POU5F1: variants seen among roughly 807,000 people sequenced by gnomAD.
POU5F1 encodes POU domain, class 5, transcription factor 1.
In POU5F1, 6 loss-of-function variants were observed where a neutral mutation model predicts 38.3. The ratio of observed to expected loss-of-function variants is 0.16; its 90% CI spans 0.09 to 0.31. The LOEUF (loss-of-function observed/expected upper bound fraction) is 0.31. Among genes scored for constraint, POU5F1 ranks in the 10% least tolerant of loss-of-function variants. The pLI is 1.00. For missense variants in POU5F1, 286 were observed against 462.6 expected, an observed-to-expected ratio of 0.62 and a Z score of 3.50; for synonymous variants, 147 against 194.9, an observed-to-expected ratio of 0.75 and a Z score of 2.05.
At chr6:31,167,959 C>CG (rs572368504) in intron 1 of POU5F1, among the ~76,000 whole-genome samples, 6 of 150,756 alleles carry the variant, frequency 4.0e-5, no homozygotes, top group African/African-American at 7.3e-5. Flanking sequence ...TTTCTCCCCA[C>CG]CAAGACGGAA....
rs771043396 is a variant in POU5F1 at position 31,170,278 on chromosome 6, A to G, written c.343T>C (p.Cys115Arg). 1.2e-6 allele frequency: 2 copies of G among 1,612,876 alleles called. No homozygotes were observed. Among genetic ancestry groups the G allele is most frequent in the East Asian group, 2.2e-5 (1 of 44,882 alleles). Residue 115 changes from cysteine (C) to arginine (R), a missense_variant, in exon 1 of 5, where the codon TGC becomes CGC. Cys to Arg is a radical substitution (Grantham distance 180, BLOSUM62 -3). Transcript: ENST00000259915. ...TTCACGGCACCAGGGGTGACGGTGC[A>G]GGGCTCCGGGGAGGCCCCATCGGAG... ...SNSDGASPEP[C>R]TVTPGAVKLE...
chr6:31,170,131 G>A lies in POU5F1; in HGVS notation c.405+85C>T. The A allele has an allele frequency of 1.9e-6, 3 of 1,605,804 alleles. No homozygotes were observed. The Admixed American group carries it at 5.0e-5, about 27-fold the overall frequency. ...TGCTCCTCTCCTGGGTGCCAGGTCTGGGCAGCTGCAGGTGACCACTTCCCC... is the reference window on the plus strand; with the variant it reads ...TGCTCCTCTCCTGGGTGCCAGGTCTAGGCAGCTGCAGGTGACCACTTCCCC... On this transcript the variant is annotated intron_variant, in intron 1 of 4. Coordinates refer to ENST00000259915, the MANE Select transcript of POU5F1 (RefSeq NM_002701.6).
intron 1 of POU5F1, 141 bp from the exon 2 acceptor site, chr6:31,166,188 C>T (rs763461206): frequency 1.3e-6 from 2 of 1,585,048 alleles, no homozygotes; most frequent in South Asian, 2.3e-5. Flanking sequence ...AGCTGCCCAC[C>T]TAACTTCTAG....
intron 1 of POU5F1, chr6:31,166,884 C>T (rs995080389): frequency 3.0e-6 from 4 of 1,313,304 alleles, no homozygotes; most frequent in Non-Finnish European, 3.9e-6. Flanking sequence ...TGCATACACA[C>T]AAACACAGCA....
chr6:31,169,969 G>A (rs1265314258), intron 1 of POU5F1: 4 of 623,548 alleles, frequency 6.4e-6, no homozygotes, highest in South Asian at 4.0e-5. Context: ...GCCAGCTTCC[G>A]ACTCTCCCAG....
Position 31,165,347 on chromosome 6 carries a change from CA to C in POU5F1, c.658-62del. The C allele has an allele frequency of 6.3e-7, 1 of 1,584,904 alleles. No individual in the cohort carries two copies. Among genetic ancestry groups the C allele is most frequent in the Non-Finnish European group, 8.6e-7 (1 of 1,163,938 alleles). Reference sequence around the variant, plus strand: ...TTGGACTTGCTGAGTAACAGCATCACAGGGGTCTGTGACTAGATGTGTCAGC... The same window carrying C: ...TTGGACTTGCTGAGTAACAGCATCACGGGGTCTGTGACTAGATGTGTCAGC... On this transcript the variant is annotated intron_variant, in intron 3 of 4. Transcript: ENST00000259915. The surrounding 1 kb of genome is among the most constrained non-coding windows in gnomAD (Gnocchi z 6.5).
intron 1 of POU5F1, among the ~76,000 whole-genome samples, chr6:31,168,571 T>C (rs1471181236): frequency 6.6e-6 from 1 of 152,126 alleles, no homozygotes; most frequent in Non-Finnish European, 1.5e-5. Flanking sequence ...GGAAGCAGTA[T>C]AATTTGAGAA....
At chr6:31,169,933 C>T (rs1233421266) in intron 1 of POU5F1, 2 of 451,970 alleles carry the variant, frequency 4.4e-6, no homozygotes, top group Non-Finnish European at 7.9e-6. Context: ...CTGACAAGGG[C>T]TGGGCCAGAG....
chr6:31,167,960 C>G (rs998719943), intron 1 of POU5F1, among the ~76,000 whole-genome samples: 1 of 150,884 alleles, frequency 6.6e-6, no homozygotes, highest in African/African-American at 2.4e-5. Context: ...TTCTCCCCAC[C>G]AAGACGGAAT....
intron 1 of POU5F1, 116 bp from the exon 2 acceptor site, chr6:31,166,163 T>G (rs2151104931): frequency 6.2e-7 from 1 of 1,608,904 alleles, no homozygotes; most frequent in Non-Finnish European, 8.5e-7. Context: ...TCTGTAGAAG[T>G]GCCTCTGCCT....
chr6:31,169,913 G>A (rs1450813971), intron 1 of POU5F1: 2 of 534,086 alleles, frequency 3.7e-6, no homozygotes, highest in East Asian at 6.3e-5. Context: ...CCTAGGAGAT[G>A]TGAGAGACCC....
intron 1 of POU5F1, chr6:31,166,956 A>C: frequency 9.7e-7 from 1 of 1,030,146 alleles, no homozygotes. Flanking sequence ...TCATTTTTTA[A>C]ATTGATTATC....
At position 31,164,350 on chromosome 6, in the gene POU5F1, C is replaced by G; in HGVS notation, c.*251G>C. On this transcript the variant is annotated 3_prime_UTR_variant, in exon 5 of 5. Coordinates refer to ENST00000259915, the MANE Select transcript of POU5F1 (RefSeq NM_002701.6). ...GACAAACCAAGATAAGTGTGTCTAT[C>G]TACTGTGTCCCAGGCTTCTTTATTT... The G allele has an allele frequency of 8.5e-7, 1 of 1,169,902 alleles. No individual in the cohort carries two copies. Among genetic ancestry groups the G allele is most frequent in the Non-Finnish European group, 1.2e-6 (1 of 850,882 alleles). The allele number at this position is 1,169,902 out of a possible 1,614,324, so 72.5% of individuals were successfully genotyped here.
intron 1 of POU5F1, among the ~76,000 whole-genome samples, chr6:31,168,132 G>T (rs1046020359): frequency 7.2e-5 from 11 of 152,024 alleles, no homozygotes; most frequent in African/African-American, 2.2e-4. Context: ...TAGATATGGG[G>T]TTTCACCATG....
chr6:31,168,418 A>G (rs1233129092), intron 1 of POU5F1, among the ~76,000 whole-genome samples: 1 of 151,996 alleles, frequency 6.6e-6, no homozygotes, highest in Non-Finnish European at 1.5e-5. Flanking sequence ...TATTTTTAGT[A>G]GAGATGGGGT....
chr6:31,168,255 TTGA>T (rs1358197241), intron 1 of POU5F1, among the ~76,000 whole-genome samples: 2 of 134,490 alleles, frequency 1.5e-5, no homozygotes, highest in Non-Finnish European at 3.2e-5. Flanking sequence ...TTTTTTTTTT[TTGA>T]GAGTTTCGCT....
chr6:31,165,491 G>T lies in POU5F1; in HGVS notation c.657+80C>A. 2 of 1,606,622 alleles carry T rather than the reference G, an allele frequency of 1.2e-6. No individual in the cohort carries two copies. The highest frequency in any genetic ancestry group is 1.7e-6 in the Non-Finnish European group (2 of 1,176,808). On this transcript the variant is annotated intron_variant, in intron 3 of 4. Coordinates refer to ENST00000259915, the MANE Select transcript of POU5F1 (RefSeq NM_002701.6). This position sits in a 1 kb window ranked among gnomAD's most constrained non-coding sequence, Gnocchi z 6.5. ...TGAGAACCACTGCACCAAAGACGGAGAGCTACGAGCCAGTGATGGAAGCAA... is the reference window on the plus strand; with the variant it reads ...TGAGAACCACTGCACCAAAGACGGATAGCTACGAGCCAGTGATGGAAGCAA...
At chr6:31,170,100 C>A in intron 1 of POU5F1, 116 bp downstream of exon 1, 1 of 1,553,868 alleles carries the variant, frequency 6.4e-7, no homozygotes, top group Non-Finnish European at 8.8e-7. Flanking sequence ...GGCAGCTGAC[C>A]CTGCCTGCTC....
At chr6:31,166,283 C>T (rs1777240374) in intron 1 of POU5F1, 3 of 1,528,076 alleles carry the variant, frequency 2.0e-6, no homozygotes. Flanking sequence ...CCCCCAGAAA[C>T]TGGCACATCC....
Sources: allele counts gnomAD v4.1 joint callset (sites outside exome capture counted in the v4.1 genomes callset), GRCh38; gene constraint gnomAD v4.1.1; non-coding constraint Gnocchi (gnomAD v3.1); transcripts MANE v1.5; gene names NCBI Gene and HGNC (gene_info 2026-07-23, HGNC 2026-07-21).